RPS6KA2: variants seen among roughly 807,000 people sequenced by gnomAD.
RPS6KA2 encodes ribosomal protein S6 kinase A2.
RPS6KA2 carries 42 observed loss-of-function variants against 91.8 expected under a neutral mutation model. The ratio of observed to expected loss-of-function variants is 0.46; its 90% CI spans 0.36 to 0.59. The LOEUF (loss-of-function observed/expected upper bound fraction) is 0.59, where lower values mean the gene tolerates loss of function less well. Ranked by LOEUF, RPS6KA2 falls within the 20% of genes least tolerant of loss-of-function variation. The pLI is 0.00. For missense variants in RPS6KA2, 798 were observed against 978.5 expected, an observed-to-expected ratio of 0.82 and a Z score of 2.46; for synonymous variants, 414 against 393.6, an observed-to-expected ratio of 1.05 and a Z score of -0.61.
Position 166,639,088 on chromosome 6 carries a change from T to C in RPS6KA2, c.124-100304A>G, listed in dbSNP as rs1348627042. Among the ~76,000 whole-genome samples the C allele has an allele frequency of 6.6e-6, 1 of 152,098 alleles. No homozygotes were observed. Among genetic ancestry groups the C allele is most frequent in the Non-Finnish European group, 1.5e-5 (1 of 68,024 alleles). Reference sequence around the variant, plus strand: ...TGGAAGGGCTTTATAAATCATAAGGTGCTCAATGGAGTTATTCGTAGAAAT... The same window carrying C: ...TGGAAGGGCTTTATAAATCATAAGGCGCTCAATGGAGTTATTCGTAGAAAT... On this transcript the variant is annotated intron_variant, in intron 2 of 21. Transcript: ENST00000503859. This position sits in a 1 kb window ranked among gnomAD's most constrained non-coding sequence, Gnocchi z 4.2.
intron 15 of RPS6KA2, 109 bp from the exon 16 acceptor site, chr6:166,430,720 C>T: frequency 6.8e-6 from 8 of 1,183,632 alleles, no homozygotes; most frequent in Non-Finnish European, 9.4e-6. Context: ...GCTGGGACCA[C>T]AGGGTCCTAT....
chr6:166,857,972 G>T (rs9348198), intron 2 of RPS6KA2: 374,406 of 534,856 alleles, frequency 0.7, 138,167 homozygotes, highest in East Asian at 0.93. Context: ...ACAGCCTTCC[G>T]TCCTATGCTC....
chr6:166,539,622 G>A (rs1260900305), intron 1 of RPS6KA2, among the ~76,000 whole-genome samples: 3 of 152,222 alleles, frequency 2.0e-5, no homozygotes, highest in East Asian at 1.9e-4. Flanking sequence ...CACCAGCCCA[G>A]AAAGCAAGAT....
upstream of RPS6KA2, chr6:166,862,732 C>G (rs1355598866): frequency 6.7e-6 from 1 of 149,760 alleles, no homozygotes; most frequent in Non-Finnish European, 1.5e-5. Flanking sequence ...GTCTTTCCCC[C>G]CCACCCCCAG....
At chr6:166,456,073 G>A (rs888491365) in intron 12 of RPS6KA2, among the ~76,000 whole-genome samples, 11 of 152,208 alleles carry the variant, frequency 7.2e-5, no homozygotes, top group African/African-American at 2.7e-4. Flanking sequence ...TTGGTGAATG[G>A]AAAATCTGTA....
intron 5 of RPS6KA2, 21 bp from the exon 6 acceptor site, chr6:166,504,633 AC>A: frequency 2.0e-6 from 3 of 1,533,206 alleles, no homozygotes; most frequent in African/African-American, 2.8e-5. Context: ...AAAAACAAAA[AC>A]AAAAACAAAA....
Position 166,419,837 on chromosome 6 carries a change from C to G in RPS6KA2, c.1820+45G>C. 6.4e-7 allele frequency: 1 copy of G among 1,557,282 alleles called. No individual in the cohort carries two copies. Among genetic ancestry groups the G allele is most frequent in the Non-Finnish European group, 8.9e-7 (1 of 1,129,034 alleles). On this transcript the variant is annotated intron_variant, in intron 18 of 20. Coordinates refer to ENST00000265678, the MANE Select transcript of RPS6KA2 (RefSeq NM_021135.6). The surrounding 1 kb of genome is among the most constrained non-coding windows in gnomAD (Gnocchi z 5.6). ...CCTGACAGATCAGCCACTGAGGCTG[C>G]TGCCCTGTGTCTCCTCCTGACACCT...
intron 2 of RPS6KA2, among the ~76,000 whole-genome samples, chr6:166,710,420 G>T (rs1789808545): frequency 6.6e-6 from 1 of 152,016 alleles, no homozygotes; most frequent in Admixed American, 6.6e-5. Context: ...ATATATGCAT[G>T]CACGAGTGTG....
intron 11 of RPS6KA2, among the ~76,000 whole-genome samples, chr6:166,462,425 G>A (rs1377387079): frequency 1.3e-5 from 2 of 152,176 alleles, no homozygotes; most frequent in Non-Finnish European, 2.9e-5. Context: ...CACATCCAGA[G>A]GCTGTCACCT....
intron 10 of RPS6KA2, among the ~76,000 whole-genome samples, chr6:166,474,616 G>A (rs553328179): frequency 1.0e-5 from 1 of 96,696 alleles, no homozygotes; most frequent in East Asian, 8.4e-4. Context: ...TCCTGTCCTG[G>A]GGGGGAAGTC....
At chr6:166,462,764 C>T (rs912910409) in intron 11 of RPS6KA2, among the ~76,000 whole-genome samples, 2 of 152,224 alleles carry the variant, frequency 1.3e-5, no homozygotes, top group African/African-American at 2.4e-5. Context: ...CCGTGCTTTC[C>T]ACCCCTCGGC....
At chr6:166,691,130 G>C (rs781777017) in intron 2 of RPS6KA2, among the ~76,000 whole-genome samples, 1 of 152,100 alleles carries the variant, frequency 6.6e-6, no homozygotes, top group African/African-American at 2.4e-5. Flanking sequence ...CCTGCGCTCT[G>C]TCATAATGTT....
chr6:166,505,002 T>C (rs956633), intron 5 of RPS6KA2, among the ~76,000 whole-genome samples: 1,646 of 152,334 alleles, frequency 0.011, 27 homozygotes, highest in African/African-American at 0.038. Context: ...AGTAAGACGC[T>C]GAGGGCTTGA....
rs541560593 is a variant in RPS6KA2, at chr6:166,414,777, G to A, written c.1939-846C>T. 3.3e-5 allele frequency among the ~76,000 whole-genome samples: 5 copies of A among 152,326 alleles called. No homozygotes were observed. The South Asian group carries it at 1.0e-3, about 32-fold the overall frequency. On this transcript the variant is annotated intron_variant, in intron 19 of 20. Coordinates refer to ENST00000265678, the MANE Select transcript of RPS6KA2 (RefSeq NM_021135.6). ...TTTGAAGAGGTAATAAAATGAATTA[G>A]AATGCGGCTGGGCGCGTTGGCTCAT...
At chr6:166,747,674 T>A (rs979824863) in intron 2 of RPS6KA2, among the ~76,000 whole-genome samples, 1 of 151,928 alleles carries the variant, frequency 6.6e-6, no homozygotes, top group Admixed American at 6.6e-5. Context: ...GCGGTGGAGG[T>A]GGCCACACAG....
chr6:166,698,853 C>T (rs974015637), intron 2 of RPS6KA2, among the ~76,000 whole-genome samples: 1 of 152,172 alleles, frequency 6.6e-6, no homozygotes, highest in Non-Finnish European at 1.5e-5. Flanking sequence ...AGAGAATGTG[C>T]TCAATGATTT....
intron 2 of RPS6KA2, among the ~76,000 whole-genome samples, chr6:166,761,397 T>C (rs1778167062): frequency 6.6e-6 from 1 of 152,228 alleles, no homozygotes; most frequent in Non-Finnish European, 1.5e-5. Flanking sequence ...GGCTTACTCA[T>C]CTACCAAATA....
intron 14 of RPS6KA2, among the ~76,000 whole-genome samples, chr6:166,444,695 G>C (rs1220388578): frequency 1.3e-5 from 2 of 152,216 alleles, no homozygotes; most frequent in East Asian, 3.8e-4. Flanking sequence ...GAAGGATCTT[G>C]GACGTTCTAG....
At chr6:166,440,775 T>C (rs779766113) in intron 14 of RPS6KA2, among the ~76,000 whole-genome samples, 4 of 152,250 alleles carry the variant, frequency 2.6e-5, no homozygotes, top group Admixed American at 1.3e-4. Flanking sequence ...CCAAAGTTGG[T>C]ATACTAGAGC....
Sources: gnomAD v4.1 joint callset for allele counts (sites outside exome capture counted in the v4.1 genomes callset) on GRCh38, gnomAD v4.1.1 for gene constraint, Gnocchi (gnomAD v3.1) non-coding constraint, MANE v1.5 for transcripts, NCBI Gene and HGNC (gene_info 2026-07-23, HGNC 2026-07-21) for gene names.